HSD17B11: variants seen among roughly 807,000 people sequenced by gnomAD.
HSD17B11 encodes the protein hydroxysteroid 17-beta dehydrogenase 11.
In HSD17B11, 22 loss-of-function variants were observed where a neutral mutation model predicts 27.8. The observed-to-expected ratio is 0.79, with a 90% CI of 0.56 to 1.13. HSD17B11 has a LOEUF of 1.13. HSD17B11 is among the 50% of genes most tolerant of loss of function. The pLI, the probability that HSD17B11 is intolerant of heterozygous loss-of-function variation, is 0.00. For missense variants in HSD17B11, 314 were observed against 351.1 expected (o/e 0.89, Z 0.84); for synonymous variants, 117 against 132.8 (o/e 0.88, Z 0.82).
At chr4:87,346,475 C>A (rs1735272225) in intron 5 of HSD17B11, among the ~76,000 whole-genome samples, 2 of 152,112 alleles carry the variant, frequency 1.3e-5, no homozygotes, top group South Asian at 4.1e-4. Context: ...ATGGCAAAAC[C>A]CCCATCTCTA....
chr4:87,356,760 TAA>T (rs1475227869), intron 5 of HSD17B11, among the ~76,000 whole-genome samples: 1 of 152,226 alleles, frequency 6.6e-6, no homozygotes, highest in African/African-American at 2.4e-5. Flanking sequence ...TTTAACCAAG[TAA>T]AGAGTATGAT....
At chr4:87,387,417 C>T (rs1286211066) in intron 1 of HSD17B11, among the ~76,000 whole-genome samples, 1 of 152,176 alleles carries the variant, frequency 6.6e-6, no homozygotes, top group Non-Finnish European at 1.5e-5. Context: ...CCTCCCTGCC[C>T]TGCCAGCTAG....
At position 87,372,732 on chromosome 4, in the gene HSD17B11, C is replaced by T. The variant is rs114331860; in HGVS notation, c.534G>A (p.Ser178=). ...ACCAGTAAGCCAGTAAGAAGGGGAC[C>T]GAGACATGTCCAGCTGCCGAAGCCA... ...VTVASAAGHV[S]VPFLLAYCSS... is the part of the protein sequence containing the mutation. The change falls in exon 4 of 7, where the codon TCG becomes TCA. Residue 178 remains serine (S), a synonymous_variant. Coordinates refer to ENST00000358290, the MANE Select transcript of HSD17B11 (RefSeq NM_016245.5). The T allele has an allele frequency of 7.9e-4, 1,281 of 1,611,798 alleles. 11 individuals are homozygous for T. In the African/African-American group the frequency reaches 0.015, roughly 19 times the overall value.
At chr4:87,341,618 T>G (rs1238383162) in intron 5 of HSD17B11, among the ~76,000 whole-genome samples, 1 of 152,108 alleles carries the variant, frequency 6.6e-6, no homozygotes, top group East Asian at 1.9e-4. Flanking sequence ...CCCAGCACTT[T>G]GGGAGGCTGA....
At chr4:87,377,313 G>A (rs1382126101) in intron 2 of HSD17B11, among the ~76,000 whole-genome samples, 1 of 151,918 alleles carries the variant, frequency 6.6e-6, no homozygotes, top group Non-Finnish European at 1.5e-5. Context: ...AGCTAGGCGT[G>A]GTGACGTGCA....
chr4:87,363,842 T>A (rs565551559), intron 4 of HSD17B11, among the ~76,000 whole-genome samples: 13 of 152,336 alleles, frequency 8.5e-5, no homozygotes, highest in African/African-American at 2.9e-4. Context: ...TGATTTAATA[T>A]ATGTGTCTAT....
chr4:87,372,737 CATGTCCAGCTGCCG>C lies in HSD17B11; in HGVS notation c.515_528del (p.Ser172CysfsTer21), dbSNP rs1236550294. 3 of 1,612,884 alleles carry C rather than the reference CATGTCCAGCTGCCG, an allele frequency of 1.9e-6. No homozygotes were observed. The highest frequency in any genetic ancestry group is 1.7e-6 in the Non-Finnish European group (2 of 1,179,004). Reference sequence around the variant, plus strand: ...TAAGCCAGTAAGAAGGGGACCGAGACATGTCCAGCTGCCGAAGCCACAGTGACAATATGGCCATG... The same window carrying C: ...TAAGCCAGTAAGAAGGGGACCGAGACAAGCCACAGTGACAATATGGCCATG... On this transcript the variant is annotated frameshift_variant, in exon 4 of 7. Transcript: ENST00000358290. LOFTEE classifies it high-confidence loss of function.
chr4:87,378,930 A>T lies in HSD17B11; in HGVS notation c.318+3325T>A, dbSNP rs1460082203. Reference sequence around the variant, plus strand: ...AATATATATATATAAATATATATAAATATATATATATATATATTTATATAT... The same window carrying T: ...AATATATATATATAAATATATATAATTATATATATATATATATTTATATAT... On this transcript the variant is annotated intron_variant, in intron 2 of 6. Transcript: ENST00000358290. Among the ~76,000 whole-genome samples the T allele has an allele frequency of 5.0e-3, 45 of 8,930 alleles. 3 individuals are homozygous for T. Among genetic ancestry groups the T allele is most frequent in the East Asian group, 0.023 (6 of 262 alleles). 5.9% of individuals were successfully genotyped at this position (8,930 alleles called of 152,430 possible).
intron 4 of HSD17B11, among the ~76,000 whole-genome samples, chr4:87,369,837 C>A (rs1370116885): frequency 6.6e-6 from 1 of 152,112 alleles, no homozygotes; most frequent in African/African-American, 2.4e-5. Flanking sequence ...TATAAATTGG[C>A]TATTTGGGTT....
intron 1 of HSD17B11, among the ~76,000 whole-genome samples, chr4:87,384,622 T>C (rs55721398): frequency 0.35 from 53,140 of 151,698 alleles, 10,451 homozygotes; most frequent in African/African-American, 0.51. Context: ...CCGTCCTATG[T>C]GGTTGAGGTA....
chr4:87,375,181 G>A (rs1448995735), intron 2 of HSD17B11, among the ~76,000 whole-genome samples: 4 of 152,212 alleles, frequency 2.6e-5, no homozygotes, highest in Non-Finnish European at 5.9e-5. Flanking sequence ...TTACAGGCAT[G>A]AGTCACTGTT....
At chr4:87,345,099 A>G (rs138816365) in intron 5 of HSD17B11, 1 of 152,250 alleles carries the variant, frequency 6.6e-6, no homozygotes, top group East Asian at 1.9e-4. Flanking sequence ...CCCTGTCTCT[A>G]CAAACAATTT....
chr4:87,359,377 T>A (rs1735462918), intron 4 of HSD17B11, among the ~76,000 whole-genome samples: 1 of 152,204 alleles, frequency 6.6e-6, no homozygotes, highest in African/African-American at 2.4e-5. Flanking sequence ...ATTTTGGAGT[T>A]TTTTGGGGAG....
intron 4 of HSD17B11, among the ~76,000 whole-genome samples, chr4:87,367,792 AT>A (rs1735635500): frequency 6.6e-6 from 1 of 152,222 alleles, no homozygotes; most frequent in Non-Finnish European, 1.5e-5. Context: ...GTAATGTAAA[AT>A]TCTAGGCACA....
intron 4 of HSD17B11, among the ~76,000 whole-genome samples, chr4:87,360,963 T>C (rs1340851609): frequency 6.6e-6 from 1 of 152,252 alleles, no homozygotes; most frequent in Non-Finnish European, 1.5e-5. Context: ...CATAACTATA[T>C]GTTTGCATTT....
chr4:87,374,748 T>A lies in HSD17B11; in HGVS notation c.401A>T (p.Asp134Val). Residue 134 changes from aspartate to valine, a missense_variant, in exon 3 of 7, where the codon GAT becomes GTT. Asp to Val is a radical substitution (Grantham distance 152, BLOSUM62 -3). Coordinates refer to ENST00000358290, the MANE Select transcript of HSD17B11 (RefSeq NM_016245.5). ...VYTSDLFATQ[D>V]PQIEKTFEVN... ...TTCAAAAGTCTTTTCAATCTGAGGA[T>A]CTTGTGTAGCAAACAAATCTGATGT... The A allele has an allele frequency of 6.2e-7, 1 of 1,610,192 alleles. No individual in the cohort carries two copies.
intron 2 of HSD17B11, among the ~76,000 whole-genome samples, chr4:87,381,592 C>A (rs1720169458): frequency 6.6e-6 from 1 of 151,506 alleles, no homozygotes; most frequent in African/African-American, 2.4e-5. Context: ...ACCCCGTTTT[C>A]TACCAAAAAT....
In HSD17B11 at chr4:87,337,241, A is replaced by C; in HGVS notation, c.*35T>G. ...TGGCACTATTAGATGACATCAACCT[A>C]AACCTGGTAAATCAGTTTTCAGAAA... On this transcript the variant is annotated 3_prime_UTR_variant, in exon 7 of 7. Coordinates refer to ENST00000358290, the MANE Select transcript of HSD17B11 (RefSeq NM_016245.5). 1 of 1,313,060 alleles carries C rather than the reference A, an allele frequency of 7.6e-7. No individual in the cohort carries two copies. Among genetic ancestry groups the C allele is most frequent in the Non-Finnish European group, 1.1e-6 (1 of 907,248 alleles). 81.3% of individuals were successfully genotyped at this position (1,313,060 alleles called of 1,614,324 possible).
chr4:87,374,607 T>C, intron 3 of HSD17B11, 92 bp downstream of exon 3: 2 of 1,278,212 alleles, frequency 1.6e-6, no homozygotes, highest in Admixed American at 5.0e-5. Context: ...AACTTTAGCA[T>C]TGATTTAATA....
Sources: allele counts gnomAD v4.1 joint callset (sites outside exome capture counted in the v4.1 genomes callset), GRCh38; gene constraint gnomAD v4.1.1; transcripts MANE v1.5; gene names NCBI Gene and HGNC (gene_info 2026-07-23, HGNC 2026-07-21).